The following ROBO1 variants were observed in gnomAD, a reference collection of about 807,000 sequenced individuals.
ROBO1 encodes the protein roundabout homolog 1.
In ROBO1, 149 loss-of-function variants were observed where a neutral mutation model predicts 195.9. That is an observed-to-expected ratio of 0.76 (90% CI 0.67 to 0.87). The LOEUF is 0.87. ROBO1 is among the 40% of genes least tolerant of loss of function. The pLI is 0.00. For missense variants in ROBO1, 1,933 were observed against 2,068.3 expected, an observed-to-expected ratio of 0.93 and a Z score of 1.27; for synonymous variants, 816 against 733.2, an observed-to-expected ratio of 1.11 and a Z score of -1.82.
chr3:78,690,634 C>T (rs1186651411), intron 8 of ROBO1, among the ~76,000 whole-genome samples: 1 of 151,998 alleles, frequency 6.6e-6, no homozygotes, highest in African/African-American at 2.4e-5. Flanking sequence ...ATGTCAAAAT[C>T]AGACCAAGAA....
chr3:79,288,961 G>C (rs2032066726), intron 2 of ROBO1, among the ~76,000 whole-genome samples: 1 of 152,078 alleles, frequency 6.6e-6, no homozygotes, highest in Non-Finnish European at 1.5e-5. Context: ...CTTTGACAAG[G>C]ACATTCAATG....
At chr3:78,730,681 T>C (rs1435908907) in intron 5 of ROBO1, among the ~76,000 whole-genome samples, 1 of 152,170 alleles carries the variant, frequency 6.6e-6, no homozygotes, top group Admixed American at 6.5e-5. Context: ...TATGGCCAGT[T>C]GCTTCACCCT....
intron 23 of ROBO1, 133 bp from the exon 24 acceptor site, chr3:78,634,175 A>G (rs896016626): frequency 3.8e-6 from 2 of 529,784 alleles, no homozygotes; most frequent in South Asian, 5.7e-5. Context: ...TTTCTCTTCT[A>G]TTGTTGTATT....
In ROBO1 at chr3:78,938,621, T is replaced by C. The variant is rs779895003; in HGVS notation, c.479A>G (p.Asn160Ser). 1.3e-5 allele frequency: 21 copies of C among 1,611,358 alleles called. No individual in the cohort carries two copies. Among genetic ancestry groups the C allele is most frequent in the Non-Finnish European group, 1.7e-5 (20 of 1,177,880 alleles). Reference sequence around the variant, plus strand: ...CTTACTGGCTACTTCCAGCGATGCATTGTGGCTCACAGCCTCTCCAAGGTA... The same window carrying C: ...CTTACTGGCTACTTCCAGCGATGCACTGTGGCTCACAGCCTCTCCAAGGTA... ...RNYLGEAVSH[N>S]ASLEVAILRD... The change falls in exon 4 of 31, where the codon AAT becomes AGT. Residue 160 changes from asparagine to serine, a missense_variant. Physicochemically the swap from Asn to Ser is conservative, Grantham distance 46. This residue lies in a region of ROBO1 where 1,737 missense variants were observed against 1,882.5 expected (regional missense o/e 0.92). Transcript: ENST00000464233.
intron 2 of ROBO1, among the ~76,000 whole-genome samples, chr3:79,500,647 C>T (rs9882183): frequency 0.73 from 111,735 of 152,078 alleles, 41,841 homozygotes; most frequent in African/African-American, 0.89. Flanking sequence ...TAGGAAACGC[C>T]TTTTTCATTA....
In ROBO1 at chr3:79,456,672, G is replaced by A. The variant is rs192077047; in HGVS notation, c.88+133152C>T. ...TATCATACTCATTTAGTTTTGCTTC[G>A]TATTTCTTGTGTCAGACCTAGAATA... On this transcript the variant is annotated intron_variant, in intron 2 of 30. Coordinates refer to ENST00000464233, the MANE Select transcript of ROBO1 (RefSeq NM_002941.4). 1.3e-3 allele frequency among the ~76,000 whole-genome samples: 201 copies of A among 152,106 alleles called. 1 individual carries two copies. The highest frequency in any genetic ancestry group is 4.6e-3 in the African/African-American group (189 of 41,502).
At chr3:79,649,733 G>A (rs1298910125) in intron 1 of ROBO1, among the ~76,000 whole-genome samples, 2 of 152,054 alleles carry the variant, frequency 1.3e-5, no homozygotes, top group African/African-American at 4.8e-5. Context: ...TAGCCTATGA[G>A]TCTGACTAGA....
intron 3 of ROBO1, among the ~76,000 whole-genome samples, chr3:78,970,831 G>A (rs1289273040): frequency 6.6e-6 from 1 of 151,842 alleles, no homozygotes; most frequent in Non-Finnish European, 1.5e-5. Context: ...TATTCAGTCA[G>A]TTAGTAATAG....
At chr3:79,391,274 C>A (rs912161321) in intron 2 of ROBO1, among the ~76,000 whole-genome samples, 5 of 152,078 alleles carry the variant, frequency 3.3e-5, no homozygotes, top group Admixed American at 2.0e-4. Flanking sequence ...GTCTGGGCAA[C>A]AGACTGAGAC....
chr3:78,695,470 A>G (rs10428105), intron 8 of ROBO1, among the ~76,000 whole-genome samples: 38,101 of 151,500 alleles, frequency 0.25, 4,949 homozygotes, highest in African/African-American at 0.31. Flanking sequence ...CTAAAATTAC[A>G]AAAAGTTACC....
chr3:79,619,927 T>C (rs1388449813), intron 1 of ROBO1, among the ~76,000 whole-genome samples: 3 of 152,088 alleles, frequency 2.0e-5, no homozygotes, highest in Non-Finnish European at 4.4e-5. Context: ...GTGTACAATA[T>C]AGAGAACAGG....
At chr3:79,445,285 C>T (rs1046868607) in intron 2 of ROBO1, among the ~76,000 whole-genome samples, 5 of 151,622 alleles carry the variant, frequency 3.3e-5, no homozygotes, top group Non-Finnish European at 7.4e-5. Flanking sequence ...TGTATATATT[C>T]AGTCTCATTA....
chr3:78,756,335 A>AT (rs2082930769), intron 4 of ROBO1, among the ~76,000 whole-genome samples: 1 of 152,196 alleles, frequency 6.6e-6, no homozygotes, highest in Admixed American at 6.5e-5. Flanking sequence ...AATAAAATGA[A>AT]TAACACACTA....
chr3:79,236,028 G>A (rs1289479339), intron 2 of ROBO1, among the ~76,000 whole-genome samples: 1 of 151,884 alleles, frequency 6.6e-6, no homozygotes, highest in Non-Finnish European at 1.5e-5. Flanking sequence ...CTGTAAAACT[G>A]GGCTTTGGAC....
chr3:79,200,649 G>C (rs2081745728), intron 2 of ROBO1, among the ~76,000 whole-genome samples: 1 of 151,704 alleles, frequency 6.6e-6, no homozygotes, highest in Non-Finnish European at 1.5e-5. Context: ...AGCAACAAAA[G>C]CACACAAAAA....
chr3:78,670,167 C>T lies in ROBO1; in HGVS notation c.1477G>A (p.Val493Ile). Residue 493 changes from valine (V) to isoleucine (I), a missense_variant, in exon 11 of 31, where the codon GTC becomes ATC. Coordinates refer to ENST00000464233, the MANE Select transcript of ROBO1 (RefSeq NM_002941.4). ...VPTILWRKDGVLVSTQDSRIK... is the reference protein window; with the variant it reads ...VPTILWRKDGILVSTQDSRIK... ...CGAGAGTCTTGGGTTGAAACGAGGACTCCATCCTTTCTCCACAGAATGGTG... is the reference window on the plus strand; with the variant it reads ...CGAGAGTCTTGGGTTGAAACGAGGATTCCATCCTTTCTCCACAGAATGGTG... 6.2e-7 allele frequency: 1 copy of T among 1,613,108 alleles called. No homozygotes were observed. The highest frequency in any genetic ancestry group is 8.5e-7 in the Non-Finnish European group (1 of 1,179,548).
chr3:78,957,911 G>A (rs1013982914), intron 3 of ROBO1, among the ~76,000 whole-genome samples: 11 of 151,910 alleles, frequency 7.2e-5, no homozygotes, highest in African/African-American at 2.4e-4. Flanking sequence ...ACCCAATTAC[G>A]TTATTAAAAT....
At chr3:78,931,971 T>C (rs1388004545) in intron 4 of ROBO1, among the ~76,000 whole-genome samples, 1 of 152,060 alleles carries the variant, frequency 6.6e-6, no homozygotes. Flanking sequence ...TAAGATCCTG[T>C]CTCAAAAATA....
intron 2 of ROBO1, among the ~76,000 whole-genome samples, chr3:79,438,759 A>C (rs1275436986): frequency 6.6e-6 from 1 of 152,086 alleles, no homozygotes; most frequent in Non-Finnish European, 1.5e-5. Context: ...TAACAATAAA[A>C]TATGTGGCCA....
Sources: gnomAD v4.1 joint callset for allele counts (sites outside exome capture counted in the v4.1 genomes callset) on GRCh38, gnomAD v4.1.1 for gene constraint, gnomAD v4.1.1 regional missense constraint, MANE v1.5 for transcripts, NCBI Gene and HGNC (gene_info 2026-07-23, HGNC 2026-07-21) for gene names.